The following NDC1 variants were observed in gnomAD, a reference collection of about 807,000 sequenced individuals.
The protein encoded by NDC1 is nucleoporin NDC1.
A neutral mutation model predicts 89.8 loss-of-function variants in NDC1; 24 were observed. The ratio of observed to expected loss-of-function variants is 0.27; its 90% CI spans 0.19 to 0.38. The LOEUF (loss-of-function observed/expected upper bound fraction) is 0.38. Among genes scored for constraint, NDC1 ranks in the 10% least tolerant of loss-of-function variants. The pLI is 1.00. For synonymous variants in NDC1, 296 were observed against 284.8 expected, an observed-to-expected ratio of 1.04 and a Z score of -0.39; for missense variants, 728 against 797.6, an observed-to-expected ratio of 0.91 and a Z score of 1.05.
chr1:53,808,431 G>T (rs181767135), intron 7 of NDC1, among the ~76,000 whole-genome samples: 1 of 152,286 alleles, frequency 6.6e-6, no homozygotes, highest in East Asian at 1.9e-4. Context: ...TATCCCACCA[G>T]CGGTTTCCTC....
intron 3 of NDC1, among the ~76,000 whole-genome samples, chr1:53,829,994 T>C (rs1648996483): frequency 6.6e-6 from 1 of 151,046 alleles, no homozygotes; most frequent in African/African-American, 2.4e-5. Flanking sequence ...CTACTAAAAA[T>C]ACAAAAAATA....
At chr1:53,820,111 C>T (rs745630486) in intron 5 of NDC1, among the ~76,000 whole-genome samples, 3 of 151,868 alleles carry the variant, frequency 2.0e-5, no homozygotes, top group Non-Finnish European at 4.4e-5. Context: ...AAAAATTAGC[C>T]AGGTGTGGTG....
At chr1:53,832,296 A>G (rs1245532400) in intron 3 of NDC1, among the ~76,000 whole-genome samples, 194 bp downstream of exon 3, 3 of 152,184 alleles carry the variant, frequency 2.0e-5, no homozygotes, top group Admixed American at 2.0e-4. Context: ...TATTTGTCCT[A>G]AAAAGTCTAA....
At chr1:53,811,984 G>A (rs762063052) in intron 6 of NDC1, among the ~76,000 whole-genome samples, 10 of 152,134 alleles carry the variant, frequency 6.6e-5, no homozygotes, top group African/African-American at 1.2e-4. Context: ...GACTCGCTGG[G>A]TGGCTAGACC....
chr1:53,776,568 T>C (rs1309667546), intron 16 of NDC1, among the ~76,000 whole-genome samples: 2 of 152,230 alleles, frequency 1.3e-5, no homozygotes, highest in African/African-American at 2.4e-5. Flanking sequence ...TCAGAAAATA[T>C]AAGATTACAT....
chr1:53,810,016 G>A (rs1195674169), intron 6 of NDC1, among the ~76,000 whole-genome samples: 5 of 152,194 alleles, frequency 3.3e-5, no homozygotes, highest in African/African-American at 1.2e-4. Flanking sequence ...TCTAGTTACT[G>A]TGGTATATTA....
chr1:53,782,503 C>G (rs1330780345), intron 16 of NDC1, among the ~76,000 whole-genome samples: 1 of 152,156 alleles, frequency 6.6e-6, no homozygotes, highest in Non-Finnish European at 1.5e-5. Context: ...ATACGCAAGT[C>G]AGGAGGGAGC....
chr1:53,798,745 G>A (rs893226546), intron 11 of NDC1, among the ~76,000 whole-genome samples: 2 of 151,728 alleles, frequency 1.3e-5, no homozygotes, highest in Admixed American at 1.3e-4. Flanking sequence ...AGTAAAGACG[G>A]CGTTTCGCCA....
chr1:53,818,116 A>G (rs928089268), intron 6 of NDC1, among the ~76,000 whole-genome samples: 4 of 152,126 alleles, frequency 2.6e-5, no homozygotes, highest in Admixed American at 6.6e-5. Context: ...TTTGTTTTTA[A>G]TTGTGGTAAA....
rs1317141350 is a variant in NDC1 at position 53,804,026 on chromosome 1, A to C, written c.985-17T>G. On this transcript the variant is annotated splice_polypyrimidine_tract_variant and intron_variant, in intron 9 of 17. Coordinates refer to ENST00000371429, the MANE Select transcript of NDC1 (RefSeq NM_018087.5). ...GGCTAAATACTAACAGGGGGAAAAA[A>C]CACATATTATTTAATTTTTTTTAAC... 2 of 1,586,802 alleles carry C rather than the reference A, an allele frequency of 1.3e-6. No homozygotes were observed. Among genetic ancestry groups the C allele is most frequent in the Admixed American group, 3.4e-5 (2 of 59,334 alleles).
At chr1:53,837,251 G>A (rs1557594124) in intron 1 of NDC1, among the ~76,000 whole-genome samples, 1 of 152,078 alleles carries the variant, frequency 6.6e-6, no homozygotes, top group African/African-American at 2.4e-5. Context: ...AGAAGATATC[G>A]TATCTCTATT....
chr1:53,810,194 T>C (rs190908954), intron 6 of NDC1, among the ~76,000 whole-genome samples: 163 of 152,302 alleles, frequency 1.1e-3, no homozygotes, highest in Non-Finnish European at 1.2e-3. Context: ...CAGCAAAGCA[T>C]GTAGTTGTGT....
At chr1:53,784,237 A>ACG (rs1337139532) in intron 16 of NDC1, among the ~76,000 whole-genome samples, 2 of 151,986 alleles carry the variant, frequency 1.3e-5, no homozygotes, top group Admixed American at 6.6e-5. Flanking sequence ...ACACACACAC[A>ACG]CACACACACA....
chr1:53,782,589 A>AC (rs1647221795), intron 16 of NDC1, among the ~76,000 whole-genome samples: 1 of 152,250 alleles, frequency 6.6e-6, no homozygotes, highest in Admixed American at 6.5e-5. Context: ...AGCAGCAAGG[A>AC]CATGAAACGG....
intron 16 of NDC1, among the ~76,000 whole-genome samples, chr1:53,779,651 A>G (rs1647188536): frequency 6.6e-6 from 1 of 152,220 alleles, no homozygotes; most frequent in Non-Finnish European, 1.5e-5. Context: ...CTAGTTTCCA[A>G]TTCTGACTCA....
chr1:53,820,729 A>C lies in NDC1; in HGVS notation c.595-1650T>G, dbSNP rs375546975. On this transcript the variant is annotated intron_variant, in intron 5 of 17. Coordinates refer to ENST00000371429, the MANE Select transcript of NDC1 (RefSeq NM_018087.5). Reference sequence around the variant, plus strand: ...TTTTTTTTTTTTTTTTTTTTTTTGGAGATAAGAGTCTTGCTCTGCCTCCCA... The same window carrying C: ...TTTTTTTTTTTTTTTTTTTTTTTGGCGATAAGAGTCTTGCTCTGCCTCCCA... Among the ~76,000 whole-genome samples the C allele has an allele frequency of 6.1e-3, 506 of 83,344 alleles. 2 individuals are homozygous for C. The highest frequency in any genetic ancestry group is 0.025 in the African/African-American group (489 of 19,834). The allele number at this position is 83,344 out of a possible 152,430, so 54.7% of individuals were successfully genotyped here. A position where few individuals can be genotyped will look rare whatever the true frequency, so the allele number is the denominator to read the frequency against.
chr1:53,799,664 A>C (rs1439096970), intron 11 of NDC1, among the ~76,000 whole-genome samples: 1 of 152,170 alleles, frequency 6.6e-6, no homozygotes, highest in Non-Finnish European at 1.5e-5. Context: ...CCAAAGTCCC[A>C]TATGGGAACA....
chr1:53,784,168 GCACTACA>G (rs1225527248), intron 16 of NDC1, among the ~76,000 whole-genome samples: 1 of 151,676 alleles, frequency 6.6e-6, no homozygotes, highest in Admixed American at 6.6e-5. Context: ...ATATTAAAAT[GCACTACA>G]CATAGTAAAA....
intron 5 of NDC1, among the ~76,000 whole-genome samples, chr1:53,819,876 C>A (rs2100680501): frequency 6.6e-6 from 1 of 152,098 alleles, no homozygotes; most frequent in East Asian, 1.9e-4. Flanking sequence ...CTTTTGGCTT[C>A]CCTGGGCCAC....
Sources: allele counts gnomAD v4.1 joint callset (sites outside exome capture counted in the v4.1 genomes callset), GRCh38; gene constraint gnomAD v4.1.1; transcripts MANE v1.5; gene names NCBI Gene and HGNC (gene_info 2026-07-23, HGNC 2026-07-21).